ZFHX3: variants seen among roughly 807,000 people sequenced by gnomAD.
ZFHX3 encodes zinc finger homeobox 3.
In ZFHX3, 42 loss-of-function variants were observed where a neutral mutation model predicts 279.1. The observed-to-expected ratio is 0.15, with a 90% CI of 0.12 to 0.19. ZFHX3 has a LOEUF of 0.19. ZFHX3 is among the 10% of genes least tolerant of loss of function. The pLI, the probability that ZFHX3 is intolerant of heterozygous loss-of-function variation, is 1.00. For missense variants in ZFHX3, 4,981 were observed against 4,754.0 expected, an observed-to-expected ratio of 1.05 and a Z score of -1.40; for synonymous variants, 2,293 against 1,957.8, an observed-to-expected ratio of 1.17 and a Z score of -4.52.
At chr16:72,903,320 A>C (rs560007866) in intron 3 of ZFHX3, among the ~76,000 whole-genome samples, 17 of 152,132 alleles carry the variant, frequency 1.1e-4, no homozygotes, top group Non-Finnish European at 1.6e-4. Flanking sequence ...AGATGTGCAA[A>C]TTCTCAGACC....
chr16:72,863,622 G>A (rs949724682), intron 4 of ZFHX3, among the ~76,000 whole-genome samples: 8 of 152,186 alleles, frequency 5.3e-5, no homozygotes, highest in African/African-American at 1.7e-4. Flanking sequence ...GAAGCAGGGA[G>A]TGAGGGGTAG....
At chr16:72,833,936 T>C (rs1477958163) in intron 4 of ZFHX3, among the ~76,000 whole-genome samples, 2 of 152,164 alleles carry the variant, frequency 1.3e-5, no homozygotes, top group Non-Finnish European at 2.9e-5. Flanking sequence ...TGTTCAACAG[T>C]GACTGAAGGC....
intron 1 of ZFHX3, among the ~76,000 whole-genome samples, chr16:73,018,088 C>T (rs570006359): frequency 6.6e-6 from 1 of 151,830 alleles, no homozygotes; most frequent in East Asian, 2.0e-4. Context: ...CAGGCTCAAG[C>T]AATCCTCCCG....
rs151024283 is a variant in ZFHX3 at position 73,292,819 on chromosome 16, C to T, written c.-1194+25421G>A. On this transcript the variant is annotated intron_variant, in intron 4 of 17. Transcript: ENST00000641206. ...AGGCTTGATTCCAAGACACATCAGTCATCTTTGTTCTGTTCATGGACTAAA... is the reference window on the plus strand; with the variant it reads ...AGGCTTGATTCCAAGACACATCAGTTATCTTTGTTCTGTTCATGGACTAAA... Among the ~76,000 whole-genome samples, 444 of 152,250 alleles carry T rather than the reference C, an allele frequency of 2.9e-3. 2 individuals carry two copies. Among genetic ancestry groups the T allele is most frequent in the Non-Finnish European group, 4.4e-3 (297 of 68,008 alleles).
chr16:73,244,351 T>C (rs2013217704), intron 5 of ZFHX3, among the ~76,000 whole-genome samples: 1 of 152,152 alleles, frequency 6.6e-6, no homozygotes, highest in Non-Finnish European at 1.5e-5. Flanking sequence ...CAGATTATCC[T>C]TCTCTCCTCC....
intron 4 of ZFHX3, among the ~76,000 whole-genome samples, chr16:73,303,343 G>A (rs2015103120): frequency 6.6e-6 from 1 of 152,174 alleles, no homozygotes; most frequent in African/African-American, 2.4e-5. Context: ...ATGGAAAAAT[G>A]TTAACAGCTT....
intron 6 of ZFHX3, among the ~76,000 whole-genome samples, chr16:73,135,685 T>C (rs933247891): frequency 2.0e-5 from 3 of 152,282 alleles, no homozygotes; most frequent in African/African-American, 7.2e-5. Context: ...AAATTTGAGA[T>C]ATTTCAGGTT....
chr16:72,970,930 GT>G (rs1345170307), intron 1 of ZFHX3, among the ~76,000 whole-genome samples: 4 of 152,202 alleles, frequency 2.6e-5, no homozygotes, highest in Non-Finnish European at 4.4e-5. Context: ...AGTTGTGGGA[GT>G]TCATTATTTT....
intron 5 of ZFHX3, among the ~76,000 whole-genome samples, chr16:73,162,482 A>G (rs1644830613): frequency 1.3e-5 from 2 of 152,368 alleles, no homozygotes; most frequent in Middle Eastern, 3.4e-3. Context: ...TGTAATAATT[A>G]TAGAAATAAA....
At chr16:72,917,733 T>G (rs983325332) in intron 3 of ZFHX3, among the ~76,000 whole-genome samples, 1 of 152,242 alleles carries the variant, frequency 6.6e-6, no homozygotes, top group African/African-American at 2.4e-5. Context: ...GTTTAAAATT[T>G]AAAGCATCTT....
At chr16:73,021,255 G>C (rs8058535) in intron 1 of ZFHX3, among the ~76,000 whole-genome samples, 4 of 152,176 alleles carry the variant, frequency 2.6e-5, no homozygotes, top group Non-Finnish European at 4.4e-5. Context: ...GTTCTGGGAC[G>C]AGGGCCTGCT....
At chr16:73,697,103 A>G (rs534625164) in intron 1 of ZFHX3, among the ~76,000 whole-genome samples, 1 of 152,308 alleles carries the variant, frequency 6.6e-6, no homozygotes, top group South Asian at 2.1e-4. Context: ...TGGAAAAAAT[A>G]TTTTAAGTGA....
At chr16:72,906,080 C>T (rs1445595755) in intron 3 of ZFHX3, among the ~76,000 whole-genome samples, 2 of 152,090 alleles carry the variant, frequency 1.3e-5, no homozygotes, top group East Asian at 2.0e-4. Context: ...CTGGGATCTC[C>T]AGCCTTCTGA....
At position 73,192,981 on chromosome 16, in the gene ZFHX3, C is replaced by T. The variant is rs565396860; in HGVS notation, c.-1103-49150G>A. On this transcript the variant is annotated intron_variant, in intron 5 of 17. Transcript: ENST00000641206. The stretch of plus-strand genomic sequence containing the variant: ...GTCTGTGAAACTGGAGGAATAATAG[C>T]CACCTCATTGGGTTGTTTTGAGGAT... Among the ~76,000 whole-genome samples, 481 of 152,250 alleles carry T rather than the reference C, an allele frequency of 3.2e-3. 7 individuals are homozygous for T. The highest frequency in any genetic ancestry group is 0.011 in the African/African-American group (452 of 41,548).
At chr16:73,561,409 TAGA>T (rs2020367276) in intron 2 of ZFHX3, among the ~76,000 whole-genome samples, 1 of 152,214 alleles carries the variant, frequency 6.6e-6, no homozygotes, top group Non-Finnish European at 1.5e-5. Context: ...CATTTCTAAG[TAGA>T]AGGCCTTAGA....
At chr16:72,866,102 T>G (rs1038464628) in intron 4 of ZFHX3, among the ~76,000 whole-genome samples, 2 of 152,204 alleles carry the variant, frequency 1.3e-5, no homozygotes, top group African/African-American at 2.4e-5. Context: ...GAAATCACTG[T>G]GGACAGATGA....
chr16:73,242,313 C>T (rs192637429), intron 5 of ZFHX3, among the ~76,000 whole-genome samples: 10 of 152,226 alleles, frequency 6.6e-5, no homozygotes, highest in Middle Eastern at 3.4e-3. Flanking sequence ...CCTAGATTTC[C>T]ACTCCAGATC....
At chr16:73,145,557 T>G (rs1766093127) in intron 5 of ZFHX3, among the ~76,000 whole-genome samples, 1 of 152,242 alleles carries the variant, frequency 6.6e-6, no homozygotes, top group South Asian at 2.1e-4. Flanking sequence ...GAGCCAGTTC[T>G]GTGGTTGGTC....
intron 1 of ZFHX3, among the ~76,000 whole-genome samples, chr16:73,789,624 A>G (rs113587911): frequency 0.029 from 4,437 of 152,302 alleles, 107 homozygotes; most frequent in African/African-American, 0.071. Flanking sequence ...CAGATATGTC[A>G]AAATCAGATC....
Sources: allele counts gnomAD v4.1 joint callset (sites outside exome capture counted in the v4.1 genomes callset), GRCh38; gene constraint gnomAD v4.1.1; transcripts MANE v1.5; gene names NCBI Gene and HGNC (gene_info 2026-07-23, HGNC 2026-07-21).